Variants in EPB41L1 observed in about 807,000 individuals in gnomAD.
EPB41L1 encodes the protein band 4.1-like protein 1.
EPB41L1 carries 29 observed loss-of-function variants against 97.8 expected under a neutral mutation model. The observed-to-expected ratio is 0.30, with a 90% CI of 0.22 to 0.40. The LOEUF (loss-of-function observed/expected upper bound fraction) is 0.40. Ranked by LOEUF, EPB41L1 falls within the 10% of genes least tolerant of loss-of-function variation. EPB41L1 has a pLI of 1.00. For missense variants in EPB41L1, 812 were observed against 1,162.3 expected (o/e 0.70, Z 4.38); for synonymous variants, 383 against 459.2 (o/e 0.83, Z 2.12).
chr20:36,125,156 A>C (rs2147706441), intron 2 of EPB41L1, among the ~76,000 whole-genome samples: 1 of 152,260 alleles, frequency 6.6e-6, no homozygotes, highest in Admixed American at 6.5e-5. Flanking sequence ...GTTGGGGACA[A>C]ACCCAGAGAG....
rs570097059 is a variant in EPB41L1, at chr20:36,207,044, G to C, written c.1669-2444G>C. On this transcript the variant is annotated intron_variant, in intron 14 of 21. Coordinates refer to ENST00000338074, the MANE Select transcript of EPB41L1 (RefSeq NM_012156.2). This position sits in a 1 kb window ranked among gnomAD's most constrained non-coding sequence, Gnocchi z 4.9. ...AAAGGAGGGGCTGAGCTGAAGGACC[G>C]CGAGGCTTCAGCATTTCTTCACATG... 2 of 1,289,716 alleles carry C rather than the reference G, an allele frequency of 1.6e-6. No homozygotes were observed. Among genetic ancestry groups the C allele is most frequent in the African/African-American group, 3.0e-5 (2 of 65,864 alleles). The allele number at this position is 1,289,716 out of a possible 1,614,324, so 79.9% of individuals were successfully genotyped here.
At chr20:36,174,080 A>G (rs973842744) in intron 2 of EPB41L1, 126 bp downstream of exon 2, 1 of 1,023,938 alleles carries the variant, frequency 9.8e-7, no homozygotes, top group Non-Finnish European at 1.5e-6. Flanking sequence ...GTGACCTGTT[A>G]CATGCCAAGC....
In EPB41L1 at chr20:36,212,577, C is replaced by A. The variant is rs377468001; in HGVS notation, c.2184+201C>A. On this transcript the variant is annotated intron_variant, in intron 16 of 21. Transcript: ENST00000338074. This position sits in a 1 kb window ranked among gnomAD's most constrained non-coding sequence, Gnocchi z 4.8. Reference sequence around the variant, plus strand: ...GGCAACGGGTAAAGCAGGTTCCTGTCCTGGGCAGACCATACTTCTTAAAGC... The same window carrying A: ...GGCAACGGGTAAAGCAGGTTCCTGTACTGGGCAGACCATACTTCTTAAAGC... Among the ~76,000 whole-genome samples, 3 of 152,192 alleles carry A rather than the reference C, an allele frequency of 2.0e-5. No individual in the cohort carries two copies. The East Asian group carries it at 5.8e-4, about 29-fold the overall frequency.
At chr20:36,180,578 AC>A (rs1234571832) in intron 5 of EPB41L1, among the ~76,000 whole-genome samples, 1 of 152,170 alleles carries the variant, frequency 6.6e-6, no homozygotes, top group East Asian at 1.9e-4. Context: ...AAGCAGACAG[AC>A]ACTGAGGCCA....
chr20:36,147,471 A>G (rs1162490970), intron 2 of EPB41L1, among the ~76,000 whole-genome samples: 2 of 152,222 alleles, frequency 1.3e-5, no homozygotes, highest in Non-Finnish European at 2.9e-5. Flanking sequence ...GGAGTCAGGC[A>G]TGCCTGGGGT....
At chr20:36,130,351 G>A (rs972122611) in intron 2 of EPB41L1, among the ~76,000 whole-genome samples, 1 of 152,112 alleles carries the variant, frequency 6.6e-6, no homozygotes, top group Admixed American at 6.6e-5. Flanking sequence ...GGAGCTTGGA[G>A]TGTTTCCTTT....
At chr20:36,156,507 G>A (rs1040438016) in intron 1 of EPB41L1, among the ~76,000 whole-genome samples, 5 of 152,194 alleles carry the variant, frequency 3.3e-5, no homozygotes, top group African/African-American at 9.7e-5. Flanking sequence ...GCAGCTGAGC[G>A]GGGGAGTCAG....
At chr20:36,114,681 T>C (rs990351463) in intron 2 of EPB41L1, among the ~76,000 whole-genome samples, 1 of 152,214 alleles carries the variant, frequency 6.6e-6, no homozygotes, top group Admixed American at 6.5e-5. Context: ...CTCTCTGCCA[T>C]CACTGCCTGT....
At chr20:36,112,523 G>A (rs779222720) in intron 2 of EPB41L1, 1 of 152,284 alleles carries the variant, frequency 6.6e-6, no homozygotes, top group Non-Finnish European at 1.5e-5. Context: ...TTCTGCTGAG[G>A]TTGGACGAAG....
chr20:36,102,041 A>C (rs890332977), intron 1 of EPB41L1, among the ~76,000 whole-genome samples: 5 of 88,044 alleles, frequency 5.7e-5, no homozygotes, highest in South Asian at 4.0e-4. Flanking sequence ...CAAAACAAAA[A>C]AAACAAAAAA....
intron 6 of EPB41L1, among the ~76,000 whole-genome samples, chr20:36,184,499 C>CA (rs1218046334): frequency 6.6e-6 from 1 of 151,896 alleles, no homozygotes; most frequent in Non-Finnish European, 1.5e-5. Flanking sequence ...GAGCTGGAGG[C>CA]AAAATAAGAA....
At position 36,108,302 on chromosome 20, in the gene EPB41L1, A is replaced by G. The variant is rs1038154984; in HGVS notation, c.-64-4124A>G. Reference sequence around the variant, plus strand: ...GCCTATAGTATTTTTTACATTGATTACATGTTGAGATAGATATATTGGGTT... The same window carrying G: ...GCCTATAGTATTTTTTACATTGATTGCATGTTGAGATAGATATATTGGGTT... On this transcript the variant is annotated intron_variant, in intron 1 of 19. Coordinates refer to the EPB41L1 transcript ENST00000202028. 3.1e-4 allele frequency among the ~76,000 whole-genome samples: 47 copies of G among 151,994 alleles called. 1 individual carries two copies. The highest frequency in any genetic ancestry group is 5.9e-5 in the Non-Finnish European group (4 of 67,994).
At chr20:36,224,108 A>G (rs1273491029) in intron 21 of EPB41L1, among the ~76,000 whole-genome samples, 1 of 152,224 alleles carries the variant, frequency 6.6e-6, no homozygotes, top group African/African-American at 2.4e-5. Flanking sequence ...AGGGCTGTTC[A>G]GCAGAACTTT....
At position 36,190,201 on chromosome 20, in the gene EPB41L1, TA is replaced by T. The variant is rs201777816; in HGVS notation, c.1027-70del. The T allele has an allele frequency of 5.6e-4, 687 of 1,221,192 alleles. 6 individuals are homozygous for T. In the East Asian group the frequency reaches 0.015, roughly 27 times the overall value. The allele number at this position is 1,221,192 out of a possible 1,614,324, so 75.6% of individuals were successfully genotyped here. Reference sequence around the variant, plus strand: ...TCAAAAAAACATTAAACAAATAAAATAAAAAACACAAAGAATGGGCTAGTGG... The same window carrying T: ...TCAAAAAAACATTAAACAAATAAAATAAAAACACAAAGAATGGGCTAGTGG... On this transcript the variant is annotated intron_variant, in intron 9 of 21. Coordinates refer to ENST00000338074, the MANE Select transcript of EPB41L1 (RefSeq NM_012156.2). This position sits in a 1 kb window ranked among gnomAD's most constrained non-coding sequence, Gnocchi z 5.8.
At chr20:36,153,697 C>T (rs908118222), upstream of EPB41L1, among the ~76,000 whole-genome samples, 1 of 152,098 alleles carries the variant, frequency 6.6e-6, no homozygotes. Flanking sequence ...CAAATGAGGC[C>T]CAGAGCATGG....
At chr20:36,191,781 C>T (rs894382456) in intron 11 of EPB41L1, among the ~76,000 whole-genome samples, 3 of 152,180 alleles carry the variant, frequency 2.0e-5, no homozygotes, top group African/African-American at 4.8e-5. Context: ...AGCCTATTTC[C>T]TCTTCTACAA....
chr20:36,120,657 A>G (rs2058722538), intron 2 of EPB41L1, among the ~76,000 whole-genome samples: 1 of 152,132 alleles, frequency 6.6e-6, no homozygotes, highest in African/African-American at 2.4e-5. Flanking sequence ...GGGCCTAGAA[A>G]TGGATTCTGC....
At chr20:36,187,829 C>G (rs1221824551) in intron 8 of EPB41L1, 66 bp downstream of exon 8, 16 of 1,425,440 alleles carry the variant, frequency 1.1e-5, no homozygotes, top group Non-Finnish European at 1.6e-5. Context: ...TCAGGCCTTT[C>G]CCTAGGGCGT....
At chr20:36,218,032 CAG>C (rs539770891) in intron 17 of EPB41L1, among the ~76,000 whole-genome samples, 7 of 152,134 alleles carry the variant, frequency 4.6e-5, no homozygotes, top group Admixed American at 1.3e-4. Context: ...GGCAGTAAGT[CAG>C]GGGACAATTC....
Sources: gnomAD v4.1 joint callset for allele counts (sites outside exome capture counted in the v4.1 genomes callset) on GRCh38, gnomAD v4.1.1 for gene constraint, Gnocchi (gnomAD v3.1) non-coding constraint, MANE v1.5 for transcripts, NCBI Gene and HGNC (gene_info 2026-07-23, HGNC 2026-07-21) for gene names.